ABLIM1: variants seen among roughly 807,000 people sequenced by gnomAD.
ABLIM1 encodes actin binding LIM protein 1.
ABLIM1 carries 40 observed loss-of-function variants against 107.0 expected under a neutral mutation model. That is an observed-to-expected ratio of 0.37 (90% CI 0.29 to 0.49). The LOEUF is 0.49. ABLIM1 is among the 20% of genes least tolerant of loss of function. ABLIM1 has a pLI of 0.97. For synonymous variants in ABLIM1, 357 were observed against 357.3 expected (o/e 1.00, Z 0.01); for missense variants, 857 against 1,008.5 (o/e 0.85, Z 2.04).
chr10:114,781,118 C>T, the ABLIM1 span, among the ~76,000 whole-genome samples: 10 of 152,168 alleles, frequency 6.6e-5, no homozygotes, highest in Admixed American at 1.3e-4. Context: ...AAATTTGATG[C>T]CAGTACTAAT....
chr10:114,663,656 T>C (rs950910109), intron 1 of ABLIM1, among the ~76,000 whole-genome samples: 1 of 152,206 alleles, frequency 6.6e-6, no homozygotes, highest in African/African-American at 2.4e-5. Context: ...GGTTAGAGCA[T>C]AGCTAAGTGC....
intron 1 of ABLIM1, among the ~76,000 whole-genome samples, chr10:114,764,051 A>G (rs1470889203): frequency 6.6e-6 from 1 of 152,232 alleles, no homozygotes; most frequent in Non-Finnish European, 1.5e-5. Flanking sequence ...CTGGGAATCT[A>G]TATTTTTAAA....
chr10:114,515,413 C>G (rs1392160445), intron 6 of ABLIM1, among the ~76,000 whole-genome samples: 2 of 152,198 alleles, frequency 1.3e-5, no homozygotes, highest in African/African-American at 4.8e-5. Flanking sequence ...AGAGCCCTTT[C>G]CACCATGGTT....
intron 4 of ABLIM1, among the ~76,000 whole-genome samples, chr10:114,551,911 G>A (rs930388617): frequency 1.3e-5 from 2 of 152,130 alleles, no homozygotes; most frequent in African/African-American, 4.8e-5. Context: ...GTGCCTCATG[G>A]GGGACAGCCA....
chr10:114,660,805 T>C, upstream of ABLIM1, among the ~76,000 whole-genome samples: 1 of 152,238 alleles, frequency 6.6e-6, no homozygotes, highest in African/African-American at 2.4e-5. Context: ...AGGCAGGCTC[T>C]GGAACACAGT....
intron 6 of ABLIM1, among the ~76,000 whole-genome samples, chr10:114,542,438 G>GAAAAAAAAAAAAAAAAAAAAAAAAAA (rs375774485): frequency 1.0e-5 from 1 of 96,426 alleles, no homozygotes; most frequent in South Asian, 3.6e-4. Flanking sequence ...AAAGAAAAAA[G>GAAAAAAAAAAAAAAAAAAAAAAAAAA]AAAAAAAAAA....
At chr10:114,526,194 A>C (rs2064708724) in intron 6 of ABLIM1, among the ~76,000 whole-genome samples, 1 of 152,186 alleles carries the variant, frequency 6.6e-6, no homozygotes, top group South Asian at 2.1e-4. Flanking sequence ...GTAATAGCTA[A>C]ATCTACTCAT....
rs560003683 is a variant in ABLIM1 at position 114,655,485 on chromosome 10, G to T, written c.244+2472C>A. On this transcript the variant is annotated intron_variant, in intron 1 of 22. Coordinates refer to ENST00000533213, the MANE Select transcript of ABLIM1 (RefSeq NM_002313.7). ...GGCTCATTCCAAAAATATCTGATTT[G>T]AGTCTGTTTGAGTAGAAACATTCCA... Among the ~76,000 whole-genome samples the T allele has an allele frequency of 2.6e-3, 395 of 152,290 alleles. 1 individual carries two copies. The highest frequency in any genetic ancestry group is 4.7e-3 in the Non-Finnish European group (318 of 68,028).
chr10:114,438,611 T>C (rs4751908), intron 21 of ABLIM1, among the ~76,000 whole-genome samples: 57,558 of 152,146 alleles, frequency 0.38, 10,971 homozygotes, highest in Middle Eastern at 0.43. Context: ...GCATTTGTGC[T>C]GGGGTTAACA....
At chr10:114,724,426 T>C (rs1223487493) in intron 1 of ABLIM1, among the ~76,000 whole-genome samples, 2 of 152,084 alleles carry the variant, frequency 1.3e-5, no homozygotes, top group Non-Finnish European at 2.9e-5. Context: ...TTCCTGAAAT[T>C]AGGTAAACTC....
intron 1 of ABLIM1, among the ~76,000 whole-genome samples, chr10:114,733,555 GGACCCTACTGA>G (rs1023258375): frequency 3.3e-5 from 5 of 152,118 alleles, no homozygotes; most frequent in Admixed American, 1.3e-4. Flanking sequence ...GTTCTGAACT[GGACCCTACTGA>G]GATAAATCCT....
At chr10:114,486,902 C>G (rs2058275537) in intron 8 of ABLIM1, among the ~76,000 whole-genome samples, 1 of 152,152 alleles carries the variant, frequency 6.6e-6, no homozygotes. Context: ...ATCTCCTGTG[C>G]ATACGTGTGG....
At chr10:114,595,014 G>A (rs545004080) in intron 2 of ABLIM1, 1 of 152,124 alleles carries the variant, frequency 6.6e-6, no homozygotes, top group East Asian at 1.9e-4. Flanking sequence ...GGGAGTAGTT[G>A]ATTTTATATA....
Position 114,635,451 on chromosome 10 carries a change from G to A in ABLIM1, c.244+22506C>T, listed in dbSNP as rs113772518. On this transcript the variant is annotated intron_variant, in intron 1 of 22. Transcript: ENST00000533213. ...TTACTGTACGTGCACCTGTAGTGCA[G>A]GAATTTCAGGATCCCTCCGTGGGAC... 3.1e-3 allele frequency among the ~76,000 whole-genome samples: 478 copies of A among 152,348 alleles called. 2 individuals are homozygous for A. The highest frequency in any genetic ancestry group is 0.011 in the African/African-American group (448 of 41,580).
chr10:114,724,802 G>A lies in ABLIM1; in HGVS notation c.-213+43259C>T, dbSNP rs551546110. On this transcript the variant is annotated intron_variant, in intron 1 of 15. Transcript: ENST00000651092. ...GACTCAAAGAAGGCTATGAGGCCAG[G>A]GGACAGCTTATGTAGTTTCCCCACC... is the stretch of plus-strand genomic sequence containing the variant. 1.1e-4 allele frequency among the ~76,000 whole-genome samples: 17 copies of A among 152,200 alleles called. No individual in the cohort carries two copies. The South Asian group carries it at 3.1e-3, about 28-fold the overall frequency.
intron 12 of ABLIM1, among the ~76,000 whole-genome samples, chr10:114,457,950 G>C (rs1432808436): frequency 6.6e-6 from 1 of 152,106 alleles, no homozygotes; most frequent in Non-Finnish European, 1.5e-5. Context: ...GCAGGCATCT[G>C]TAATCCCAGC....
At chr10:114,764,253 C>T (rs1454423921) in intron 1 of ABLIM1, among the ~76,000 whole-genome samples, 1 of 152,196 alleles carries the variant, frequency 6.6e-6, no homozygotes, top group Non-Finnish European at 1.5e-5. Flanking sequence ...TTAGCTTGCT[C>T]TATCATAAAA....
At chr10:114,631,777 G>C in intron 1 of ABLIM1, 1 of 1,001,072 alleles carries the variant, frequency 1.0e-6, no homozygotes, top group Middle Eastern at 2.6e-4. Context: ...TTCACAATAC[G>C]GAGCTTCTCA....
intron 12 of ABLIM1, among the ~76,000 whole-genome samples, chr10:114,455,470 C>T (rs371347138): frequency 6.6e-6 from 1 of 151,934 alleles, no homozygotes; most frequent in East Asian, 1.9e-4. Context: ...TAGTTCCTAT[C>T]GGGAAAAAAT....
Sources: gnomAD v4.1 joint callset for allele counts (sites outside exome capture counted in the v4.1 genomes callset) on GRCh38, gnomAD v4.1.1 for gene constraint, MANE v1.5 for transcripts, NCBI Gene and HGNC (gene_info 2026-07-23, HGNC 2026-07-21) for gene names.